CCDC171: variants seen among roughly 807,000 people sequenced by gnomAD.
CCDC171 encodes the protein coiled-coil domain containing 171.
Under a neutral mutation model 168.2 loss-of-function variants are expected in CCDC171, and 177 were observed. The observed-to-expected ratio is 1.05, with a 90% CI of 0.93 to 1.19. CCDC171 has a LOEUF of 1.19. Ranked by LOEUF, CCDC171 falls within the 50% of genes most tolerant of loss-of-function variation. The pLI is 0.00. For missense variants in CCDC171, 1,991 were observed against 1,539.0 expected (o/e 1.29, Z -4.91); for synonymous variants, 687 against 540.8 (o/e 1.27, Z -3.75).
chr9:16,058,906 A>G (rs1833885388), intron 1 of CCDC171, among the ~76,000 whole-genome samples: 1 of 152,228 alleles, frequency 6.6e-6, no homozygotes, highest in Non-Finnish European at 1.5e-5. Context: ...TTCAGGTTGT[A>G]GACTCAATAC....
chr9:16,100,798 G>GC, the CCDC171 span, among the ~76,000 whole-genome samples: 151 of 152,154 alleles, frequency 9.9e-4, no homozygotes, highest in African/African-American at 3.3e-3. Context: ...CCTGTCAGGC[G>GC]CCCCCCACCC....
chr9:15,858,670 A>G (rs372048618), intron 23 of CCDC171, among the ~76,000 whole-genome samples: 2 of 151,996 alleles, frequency 1.3e-5, no homozygotes, highest in African/African-American at 2.4e-5. Context: ...TGATGTGGTT[A>G]TAAGTGTGAT....
intron 6 of CCDC171, among the ~76,000 whole-genome samples, chr9:15,596,554 A>T (rs78918376): frequency 2.0e-5 from 3 of 152,022 alleles, no homozygotes; most frequent in Admixed American, 6.6e-5. Flanking sequence ...GTAGCCTTGT[A>T]GTATAGTTTG....
intron 18 of CCDC171, among the ~76,000 whole-genome samples, chr9:15,765,853 T>C (rs372909101): frequency 1.3e-5 from 2 of 152,190 alleles, no homozygotes; most frequent in East Asian, 3.8e-4. Context: ...GAGAAAATTC[T>C]CCATAGGTCT....
chr9:16,104,348 C>G, the CCDC171 span, among the ~76,000 whole-genome samples: 14 of 151,370 alleles, frequency 9.2e-5, no homozygotes, highest in Admixed American at 6.6e-5. Flanking sequence ...AAAGCTCCTG[C>G]CTTTCTCTTC....
At position 16,015,858 on chromosome 9, in the gene CCDC171, C is replaced by T. The variant is rs185267674; in HGVS notation, n.369-4731C>T. Among the ~76,000 whole-genome samples the T allele has an allele frequency of 2.0e-5, 3 of 152,264 alleles. No homozygotes were observed. In the East Asian group the frequency reaches 5.8e-4, roughly 29 times the overall value. On this transcript the variant is annotated intron_variant and non_coding_transcript_variant, in intron 3 of 9. Coordinates refer to the CCDC171 transcript ENST00000486641. ...ATTCTAAGTATTCCAAATAAGTTGA[C>T]TCCTACAGTGTTTATTCTTTTATGT...
intron 3 of CCDC171, among the ~76,000 whole-genome samples, chr9:15,979,560 T>C: frequency 6.6e-6 from 1 of 152,182 alleles, no homozygotes; most frequent in East Asian, 1.9e-4. Context: ...GTGGTTTTTG[T>C]CCTGTATTCT....
At chr9:16,043,632 A>G (rs1833608269) in intron 1 of CCDC171, among the ~76,000 whole-genome samples, 2 of 152,226 alleles carry the variant, frequency 1.3e-5, no homozygotes, top group African/African-American at 4.8e-5. Flanking sequence ...ACCAAAGGGA[A>G]TCCTTTTGAG....
chr9:15,793,809 A>G, intron 21 of CCDC171, among the ~76,000 whole-genome samples: 1 of 151,970 alleles, frequency 6.6e-6, no homozygotes, highest in Middle Eastern at 3.4e-3. Context: ...GGCCTCCCAA[A>G]GTGCTGGGAT....
chr9:15,689,922 A>G (rs2050671167), intron 10 of CCDC171, among the ~76,000 whole-genome samples: 2 of 152,220 alleles, frequency 1.3e-5, no homozygotes, highest in Admixed American at 6.5e-5. Context: ...TTGATTTTCA[A>G]AAAGGGTGTT....
intron 9 of CCDC171, among the ~76,000 whole-genome samples, chr9:15,675,496 T>G (rs1042714756): frequency 2.2e-4 from 33 of 152,190 alleles, no homozygotes; most frequent in African/African-American, 8.0e-4. Flanking sequence ...GGTATGTTTT[T>G]GCAGTGGCTG....
rs2040756316 is a variant in CCDC171 at position 15,577,416 on chromosome 9, A to C, written c.178-1433A>C. On this transcript the variant is annotated intron_variant, in intron 3 of 25. Coordinates refer to ENST00000380701, the MANE Select transcript of CCDC171 (RefSeq NM_173550.4). ...TTCATTTTCCGAAGGCTTATTTTCAACTGGCACTTCATCCTAAACAACTGC... is the reference window on the plus strand; with the variant it reads ...TTCATTTTCCGAAGGCTTATTTTCACCTGGCACTTCATCCTAAACAACTGC... 1.3e-5 allele frequency among the ~76,000 whole-genome samples: 2 copies of C among 152,270 alleles called. 1 individual carries two copies. Among genetic ancestry groups the C allele is most frequent in the South Asian group, 4.1e-4 (2 of 4,822 alleles).
chr9:15,836,491 G>T (rs546244595), intron 21 of CCDC171, among the ~76,000 whole-genome samples: 52 of 152,134 alleles, frequency 3.4e-4, no homozygotes, highest in African/African-American at 1.2e-3. Context: ...TCAGCCTCCC[G>T]AGTAGCTGGG....
chr9:15,631,553 A>G (rs2045700644), intron 7 of CCDC171, among the ~76,000 whole-genome samples: 1 of 152,168 alleles, frequency 6.6e-6, no homozygotes, highest in African/African-American at 2.4e-5. Context: ...CAAAAAGTCC[A>G]GGATCAGTTG....
At chr9:15,613,922 C>T (rs1023434557) in intron 6 of CCDC171, among the ~76,000 whole-genome samples, 17 of 152,136 alleles carry the variant, frequency 1.1e-4, no homozygotes, top group Non-Finnish European at 1.2e-4. Flanking sequence ...TATTCTTTGT[C>T]ATGTGTGGCC....
chr9:15,831,312 TA>T lies in CCDC171; in HGVS notation c.3268-15383del, dbSNP rs373927482. 5.4e-4 allele frequency among the ~76,000 whole-genome samples: 82 copies of T among 152,174 alleles called. No homozygotes were observed. The South Asian group carries it at 0.016, about 30-fold the overall frequency. ...AACAAAACTGTACTTCGTAAGTGCT[TA>T]AAAAAAGTTAGCAACTTCAAAGATA... On this transcript the variant is annotated intron_variant, in intron 21 of 25. Transcript: ENST00000380701.
At chr9:15,653,057 C>T (rs2047649586) in intron 7 of CCDC171, among the ~76,000 whole-genome samples, 1 of 152,134 alleles carries the variant, frequency 6.6e-6, no homozygotes, top group South Asian at 2.1e-4. Context: ...GAGTTAAACT[C>T]CCACTTCCCA....
At chr9:15,870,031 G>A (rs935223571) in intron 23 of CCDC171, among the ~76,000 whole-genome samples, 2 of 151,666 alleles carry the variant, frequency 1.3e-5, no homozygotes, top group African/African-American at 4.8e-5. Context: ...TATGGTCTTT[G>A]TCTCAACTAC....
chr9:15,695,737 A>G (rs1056186345), intron 11 of CCDC171, among the ~76,000 whole-genome samples: 4 of 152,230 alleles, frequency 2.6e-5, no homozygotes, highest in Non-Finnish European at 4.4e-5. Flanking sequence ...TGTAGGACAC[A>G]GGCTGTAGCA....
Sources: allele counts gnomAD v4.1 joint callset (sites outside exome capture counted in the v4.1 genomes callset), GRCh38; gene constraint gnomAD v4.1.1; transcripts MANE v1.5; gene names NCBI Gene and HGNC (gene_info 2026-07-23, HGNC 2026-07-21).